GCNT2: variants seen among roughly 807,000 people sequenced by gnomAD.
GCNT2 encodes the protein glucosaminyl (N-acetyl) transferase 2 (I blood group), also known as N-acetyllactosaminide beta-1,6-N-acetylglucosaminyl-transferase.
Under a neutral mutation model 34.2 loss-of-function variants are expected in GCNT2, and 34 were observed. The ratio of observed to expected loss-of-function variants is 1.00; its 90% confidence interval spans 0.76 to 1.32. The LOEUF is 1.32. GCNT2 is among the 40% of genes most tolerant of loss of function. GCNT2 has a pLI of 0.00. For synonymous variants in GCNT2, 212 were observed against 188.0 expected (o/e 1.13, Z -1.04); for missense variants, 584 against 489.4 (o/e 1.19, Z -1.82).
chr6:10,567,089 C>T (rs570575269), intron 3 of GCNT2, among the ~76,000 whole-genome samples: 2 of 152,268 alleles, frequency 1.3e-5, no homozygotes, highest in South Asian at 4.1e-4. Flanking sequence ...GAGGCCAAGG[C>T]AGGAGGATCA....
intron 3 of GCNT2, among the ~76,000 whole-genome samples, chr6:10,567,034 A>G (rs1232499825): frequency 6.6e-6 from 1 of 152,222 alleles, no homozygotes; most frequent in East Asian, 1.9e-4. Flanking sequence ...CTGGACCAAG[A>G]TTAAAGAGAA....
Position 10,529,031 on chromosome 6 carries a change from C to G in GCNT2, c.120C>G (p.Ser40=). 6.2e-7 allele frequency: 1 copy of G among 1,614,032 alleles called. No homozygotes were observed. The highest frequency in any genetic ancestry group is 8.5e-7 in the Non-Finnish European group (1 of 1,179,942). Reference sequence around the variant, plus strand: ...AACGTTTTCTGAGGGCAGCTCTGTCCAATGCTTCACTGTTAGCAGAAGCCT... The same window carrying G: ...AACGTTTTCTGAGGGCAGCTCTGTCGAATGCTTCACTGTTAGCAGAAGCCT... The part of the protein sequence containing the change: ...ENKRFLRAAL[S]NASLLAEACH... Residue 40 remains serine, a synonymous_variant, in exon 3 of 5, where the codon TCC becomes TCG. Transcript: ENST00000495262.
chr6:10,575,970 C>CA (rs1763791327), intron 3 of GCNT2, among the ~76,000 whole-genome samples: 1 of 152,160 alleles, frequency 6.6e-6, no homozygotes, highest in Non-Finnish European at 1.5e-5. Flanking sequence ...TTTTCAGACT[C>CA]AGCCCGCCTG....
At chr6:10,598,109 C>T (rs537953211) in intron 3 of GCNT2, among the ~76,000 whole-genome samples, 68 of 152,214 alleles carry the variant, frequency 4.5e-4, no homozygotes, top group African/African-American at 1.5e-3. Context: ...TAGGTCATCT[C>T]CGAAGAGATT....
intron 3 of GCNT2, among the ~76,000 whole-genome samples, chr6:10,560,039 T>C (rs1221595736): frequency 6.6e-6 from 1 of 152,234 alleles, no homozygotes; most frequent in Non-Finnish European, 1.5e-5. Context: ...ATTTAAGATT[T>C]GGCATGTGAA....
Position 10,529,715 on chromosome 6 carries a change from T to C in GCNT2, c.804T>C (p.Ala268=), listed in dbSNP as rs772454113. 1.2e-6 allele frequency: 2 copies of C among 1,614,098 alleles called. No homozygotes were observed. Among genetic ancestry groups the C allele is most frequent in the Admixed American group, 3.3e-5 (2 of 60,012 alleles). Reference sequence around the variant, plus strand: ...TTTACTTTGGCACGGCCTACGTGGCTCTCACAAGGGACTTTGCTAACTTCG... The same window carrying C: ...TTTACTTTGGCACGGCCTACGTGGCCCTCACAAGGGACTTTGCTAACTTCG... ...MVIYFGTAYV[A]LTRDFANFVL... The change falls in exon 3 of 5, where the codon GCT becomes GCC. Residue 268 remains alanine (A), a synonymous_variant. Transcript: ENST00000495262.
rs1765965137 is a variant in GCNT2, at chr6:10,620,052, T to A, written c.926-1299T>A. 2.0e-5 allele frequency among the ~76,000 whole-genome samples: 3 copies of A among 152,210 alleles called. No individual in the cohort carries two copies. In the South Asian group the frequency reaches 6.2e-4, roughly 32 times the overall value. Reference sequence around the variant, plus strand: ...CAGATAATTCAGGATAACCTCCCTATTTTAAGGTCAGCTGATCAGCAACTT... The same window carrying A: ...CAGATAATTCAGGATAACCTCCCTAATTTAAGGTCAGCTGATCAGCAACTT... On this transcript the variant is annotated intron_variant, in intron 3 of 4. Coordinates refer to ENST00000495262, the MANE Select transcript of GCNT2 (RefSeq NM_145649.5).
At chr6:10,585,053 G>C (rs1411848245) in intron 3 of GCNT2, among the ~76,000 whole-genome samples, 3 of 139,224 alleles carry the variant, frequency 2.2e-5, no homozygotes, top group African/African-American at 9.3e-5. Flanking sequence ...GTGTGTGTGT[G>C]TGTGTGTGTG....
At chr6:10,556,223 C>A in intron 3 of GCNT2, 1 of 1,436,580 alleles carries the variant, frequency 7.0e-7, no homozygotes, top group South Asian at 1.5e-5. Flanking sequence ...TTGAGAGAGG[C>A]GGGATCTGGC....
chr6:10,582,469 TATATA>T (rs1764158318), intron 3 of GCNT2, among the ~76,000 whole-genome samples: 2 of 112,558 alleles, frequency 1.8e-5, no homozygotes, highest in East Asian at 4.1e-4. Flanking sequence ...ATAAATATAA[TATATA>T]CTATAATATA....
At position 10,529,028 on chromosome 6, in the gene GCNT2, G is replaced by A; in HGVS notation, c.117G>A (p.Leu39=). 6.2e-7 allele frequency: 1 copy of A among 1,614,106 alleles called. No homozygotes were observed. Among genetic ancestry groups the A allele is most frequent in the Non-Finnish European group, 8.5e-7 (1 of 1,179,956 alleles). Reference sequence around the variant, plus strand: ...ATAAACGTTTTCTGAGGGCAGCTCTGTCCAATGCTTCACTGTTAGCAGAAG... The same window carrying A: ...ATAAACGTTTTCTGAGGGCAGCTCTATCCAATGCTTCACTGTTAGCAGAAG... The part of the protein sequence containing the change: ...WENKRFLRAA[L]SNASLLAEAC... The change falls in exon 3 of 5, where the codon CTG becomes CTA. Residue 39 remains leucine (L), a synonymous_variant. Transcript: ENST00000495262.
chr6:10,617,747 C>CTTTTT (rs1407402607), intron 3 of GCNT2, among the ~76,000 whole-genome samples: 68 of 114,262 alleles, frequency 6.0e-4, no homozygotes, highest in African/African-American at 2.7e-3. Context: ...GTCTGCATTT[C>CTTTTT]TTCTTTTTTT....
chr6:10,560,408 A>G (rs964179649), intron 3 of GCNT2, among the ~76,000 whole-genome samples: 2 of 152,020 alleles, frequency 1.3e-5, no homozygotes, highest in Non-Finnish European at 2.9e-5. Context: ...TCTATTTTCA[A>G]TGTCATGTTT....
At chr6:10,536,207 T>A (rs979452573) in intron 3 of GCNT2, among the ~76,000 whole-genome samples, 4 of 152,146 alleles carry the variant, frequency 2.6e-5, no homozygotes, top group African/African-American at 9.7e-5. Context: ...GGAATTGATA[T>A]TCCCCAAACC....
chr6:10,539,485 G>A lies in GCNT2; in HGVS notation c.925+9649G>A, dbSNP rs185526130. 2.0e-4 allele frequency among the ~76,000 whole-genome samples: 30 copies of A among 152,122 alleles called. No individual in the cohort carries two copies. The South Asian group carries it at 3.3e-3, about 17-fold the overall frequency. On this transcript the variant is annotated intron_variant, in intron 3 of 4. Transcript: ENST00000495262. ...ATTACAGACGTGAGCCACTGCGCCCGGCCCCGCCATCTCTTTAACTTTGGG... is the reference window on the plus strand; with the variant it reads ...ATTACAGACGTGAGCCACTGCGCCCAGCCCCGCCATCTCTTTAACTTTGGG...
intron 3 of GCNT2, among the ~76,000 whole-genome samples, chr6:10,576,435 C>T (rs1763815305): frequency 6.6e-6 from 1 of 152,144 alleles, no homozygotes; most frequent in Admixed American, 6.5e-5. Context: ...AACATATTTG[C>T]CTCACGTTAT....
At chr6:10,556,738 T>C (rs952158896) in intron 3 of GCNT2, 19 of 1,614,104 alleles carry the variant, frequency 1.2e-5, no homozygotes, top group Admixed American at 1.7e-5. Context: ...ATCATCACTT[T>C]GACACCTTTG....
At chr6:10,542,925 G>C (rs1254450281) in intron 3 of GCNT2, among the ~76,000 whole-genome samples, 1 of 65,048 alleles carries the variant, frequency 1.5e-5, no homozygotes, top group African/African-American at 9.0e-5. Context: ...TTTTAATTTT[G>C]AGACGGAGTT....
At chr6:10,532,732 C>T (rs559590743) in intron 3 of GCNT2, among the ~76,000 whole-genome samples, 1 of 152,248 alleles carries the variant, frequency 6.6e-6, no homozygotes. Flanking sequence ...GCCTCGTGAG[C>T]CACCACATCG....
Sources: allele counts gnomAD v4.1 joint callset (sites outside exome capture counted in the v4.1 genomes callset), GRCh38; gene constraint gnomAD v4.1.1; transcripts MANE v1.5; gene names NCBI Gene and HGNC (gene_info 2026-07-23, HGNC 2026-07-21).